The following PDE3A variants were observed in gnomAD, a reference collection of about 807,000 sequenced individuals.
PDE3A encodes phosphodiesterase 3A.
A neutral mutation model predicts 98.3 loss-of-function variants in PDE3A; 43 were observed. That is an observed-to-expected ratio of 0.44 (90% CI 0.34 to 0.56). The LOEUF (loss-of-function observed/expected upper bound fraction) is 0.56. Among genes scored for constraint, PDE3A ranks in the 20% least tolerant of loss-of-function variants. The pLI is 0.01. For missense variants in PDE3A, 1,427 were observed against 1,440.7 expected (o/e 0.99, Z 0.15); for synonymous variants, 663 against 567.9 (o/e 1.17, Z -2.38).
rs74877922 is a variant in PDE3A, at chr12:20,585,486, A to G, written c.1012-27957A>G. The stretch of plus-strand genomic sequence containing the variant: ...ACCAAAACAACGTAAGTTATTGAAT[A>G]TCATGTAATGCTAGAGTGTCAACAG... On this transcript the variant is annotated intron_variant, in intron 2 of 15. Coordinates refer to ENST00000359062, the MANE Select transcript of PDE3A (RefSeq NM_000921.5). 3.7e-4 allele frequency among the ~76,000 whole-genome samples: 57 copies of G among 152,332 alleles called. 1 individual carries two copies. In the East Asian group the frequency reaches 0.011, roughly 29 times the overall value.
rs559464821 is a variant in PDE3A, at chr12:20,459,219, T to C, written c.960+88975T>C. ...GAATGGGTAGAAAATATAAGACATCTATATTTTTATAAATACTTTTTAATA... is the reference window on the plus strand; with the variant it reads ...GAATGGGTAGAAAATATAAGACATCCATATTTTTATAAATACTTTTTAATA... On this transcript the variant is annotated intron_variant, in intron 1 of 15. Transcript: ENST00000359062. 1.2e-4 allele frequency among the ~76,000 whole-genome samples: 18 copies of C among 152,308 alleles called. No individual in the cohort carries two copies. In the East Asian group the frequency reaches 3.3e-3, roughly 28 times the overall value.
intron 2 of PDE3A, among the ~76,000 whole-genome samples, chr12:20,595,627 A>G (rs149097823): frequency 6.6e-6 from 1 of 152,306 alleles, no homozygotes; most frequent in Non-Finnish European, 1.5e-5. Flanking sequence ...GTAGCTGATG[A>G]TAGAGATAAT....
chr12:20,392,380 A>T (rs2120615197), intron 1 of PDE3A, among the ~76,000 whole-genome samples: 1 of 151,900 alleles, frequency 6.6e-6, no homozygotes, highest in South Asian at 2.1e-4. Context: ...TGTAGGTCTA[A>T]AATGTACCTG....
At chr12:20,668,346 C>T (rs1592166309) in intron 15 of PDE3A, among the ~76,000 whole-genome samples, 1 of 152,144 alleles carries the variant, frequency 6.6e-6, no homozygotes, top group Non-Finnish European at 1.5e-5. Context: ...TGGAGCCCAC[C>T]ACAGCTCAAG....
intron 2 of PDE3A, among the ~76,000 whole-genome samples, chr12:20,577,635 A>C (rs1942967314): frequency 6.6e-6 from 1 of 152,160 alleles, no homozygotes; most frequent in Admixed American, 6.5e-5. Flanking sequence ...CTTTATGTTC[A>C]TTATGTTGAA....
intron 1 of PDE3A, among the ~76,000 whole-genome samples, chr12:20,401,845 T>C (rs1329688278): frequency 6.6e-6 from 1 of 152,230 alleles, no homozygotes; most frequent in Non-Finnish European, 1.5e-5. Context: ...ACATTATTTA[T>C]TGCAGTGCCA....
intron 2 of PDE3A, among the ~76,000 whole-genome samples, chr12:20,604,696 G>GAATC (rs1315210597): frequency 1.3e-5 from 2 of 152,076 alleles, no homozygotes; most frequent in Admixed American, 6.6e-5. Context: ...TTAAAGTAGA[G>GAATC]AATCATAAAA....
At chr12:20,518,165 C>T (rs1946356706) in intron 1 of PDE3A, among the ~76,000 whole-genome samples, 1 of 152,138 alleles carries the variant, frequency 6.6e-6, no homozygotes, top group African/African-American at 2.4e-5. Context: ...CAAATTGCTC[C>T]AGTGCTTCAG....
chr12:20,656,939 G>A (rs186128900), intron 15 of PDE3A, among the ~76,000 whole-genome samples: 2 of 152,106 alleles, frequency 1.3e-5, no homozygotes, highest in Non-Finnish European at 2.9e-5. Context: ...TGTAGGGTTG[G>A]GTTGTCATAC....
intron 1 of PDE3A, among the ~76,000 whole-genome samples, chr12:20,414,515 G>T (rs772111470): frequency 6.6e-6 from 1 of 152,142 alleles, no homozygotes; most frequent in African/African-American, 2.4e-5. Context: ...GCTTCCTATT[G>T]ATATTTTGTC....
chr12:20,620,433 T>G (rs1944105710), intron 4 of PDE3A, among the ~76,000 whole-genome samples: 1 of 152,060 alleles, frequency 6.6e-6, no homozygotes, highest in Admixed American at 6.6e-5. Flanking sequence ...TCAACACAAC[T>G]TTCGAAATTC....
chr12:20,383,206 G>T (rs547051486), intron 1 of PDE3A, among the ~76,000 whole-genome samples: 1 of 151,870 alleles, frequency 6.6e-6, no homozygotes, highest in Non-Finnish European at 1.5e-5. Context: ...ACAGAAACTT[G>T]ATTTGTGCTT....
In PDE3A at chr12:20,522,897, A is replaced by G. The variant is rs370930307; in HGVS notation, c.961-33763A>G. On this transcript the variant is annotated intron_variant, in intron 1 of 15. Coordinates refer to ENST00000359062, the MANE Select transcript of PDE3A (RefSeq NM_000921.5). ...AAGCTCATTAGCCATGTGTGAAGCT[A>G]TATTTGTGAGTATGCCATTCATGGG... Among the ~76,000 whole-genome samples the G allele has an allele frequency of 2.0e-5, 3 of 152,086 alleles. No homozygotes were observed. The East Asian group carries it at 5.8e-4, about 29-fold the overall frequency.
chr12:20,482,729 A>G (rs1468268997), intron 1 of PDE3A, among the ~76,000 whole-genome samples: 1 of 152,204 alleles, frequency 6.6e-6, no homozygotes, highest in Non-Finnish European at 1.5e-5. Context: ...ATTTAATCAA[A>G]TGTCACTATG....
At chr12:20,548,683 G>C (rs765724499) in intron 1 of PDE3A, among the ~76,000 whole-genome samples, 2 of 151,954 alleles carry the variant, frequency 1.3e-5, no homozygotes, top group Non-Finnish European at 2.9e-5. Context: ...CATTTCTCTT[G>C]AAAGTTTAGT....
intron 2 of PDE3A, among the ~76,000 whole-genome samples, chr12:20,610,667 C>T (rs1009223283): frequency 6.6e-6 from 1 of 151,866 alleles, no homozygotes; most frequent in Non-Finnish European, 1.5e-5. Context: ...TATATATGCA[C>T]ACACGTATAT....
chr12:20,386,051 A>AAATATATATAAAAT lies in PDE3A; in HGVS notation c.960+15808_960+15809insATATATATAAAATA, dbSNP rs1565532412. ...TATAAATATATATAAAATATATATA[A>AAATATATATAAAAT]ATATATATAAATATATATAAAATAT... is the stretch of plus-strand genomic sequence containing the variant. On this transcript the variant is annotated intron_variant, in intron 1 of 15. Coordinates refer to ENST00000359062, the MANE Select transcript of PDE3A (RefSeq NM_000921.5). 9.9e-5 allele frequency among the ~76,000 whole-genome samples: 3 copies of AAATATATATAAAAT among 30,324 alleles called. 1 individual carries two copies. The highest frequency in any genetic ancestry group is 2.3e-4 in the Non-Finnish European group (3 of 13,090). The allele number at this position is 30,324 out of a possible 152,430, so 19.9% of individuals were successfully genotyped here. A position where few individuals can be genotyped will look rare whatever the true frequency, so the allele number is the denominator to read the frequency against.
At chr12:20,548,638 T>G (rs1942120358) in intron 1 of PDE3A, among the ~76,000 whole-genome samples, 1 of 152,166 alleles carries the variant, frequency 6.6e-6, no homozygotes, top group African/African-American at 2.4e-5. Context: ...AAAGTTTCTC[T>G]TTTCCCAGAA....
chr12:20,505,638 T>G (rs549188437), intron 1 of PDE3A, among the ~76,000 whole-genome samples: 33 of 152,240 alleles, frequency 2.2e-4, no homozygotes, highest in African/African-American at 7.9e-4. Context: ...CAAAGCAGAT[T>G]TATCATGCCA....
Sources: gnomAD v4.1 joint callset for allele counts (sites outside exome capture counted in the v4.1 genomes callset) on GRCh38, gnomAD v4.1.1 for gene constraint, MANE v1.5 for transcripts, NCBI Gene and HGNC (gene_info 2026-07-23, HGNC 2026-07-21) for gene names.